HIBADH: variants seen among roughly 807,000 people sequenced by gnomAD.
HIBADH encodes 3-hydroxyisobutyrate dehydrogenase, mitochondrial.
A neutral mutation model predicts 36.1 loss-of-function variants in HIBADH; 25 were observed. The observed-to-expected ratio is 0.69, with a 90% confidence interval of 0.50 to 0.97. The LOEUF (loss-of-function observed/expected upper bound fraction) is 0.97, where lower values mean the gene tolerates loss of function less well. HIBADH is among the 50% of genes least tolerant of loss of function. The pLI is 0.00. For synonymous variants in HIBADH, 160 were observed against 149.5 expected (o/e 1.07, Z -0.51); for missense variants, 421 against 418.0 (o/e 1.01, Z -0.06).
chr7:27,540,589 C>A (rs1784134234), intron 5 of HIBADH, among the ~76,000 whole-genome samples: 1 of 152,196 alleles, frequency 6.6e-6, no homozygotes, highest in South Asian at 2.1e-4. Flanking sequence ...TCCACAATAA[C>A]AATGGCATCT....
chr7:27,574,911 G>T (rs1281038471), intron 4 of HIBADH, among the ~76,000 whole-genome samples: 1 of 152,092 alleles, frequency 6.6e-6, no homozygotes, highest in African/African-American at 2.4e-5. Flanking sequence ...ATTTAATAGA[G>T]AACTGTTTGT....
chr7:27,600,455 A>G (rs1785112195), intron 4 of HIBADH, among the ~76,000 whole-genome samples: 1 of 152,172 alleles, frequency 6.6e-6, no homozygotes, highest in Non-Finnish European at 1.5e-5. Context: ...CACAAAAATA[A>G]GAGTTGGCTA....
At chr7:27,604,538 C>G (rs940923304) in intron 4 of HIBADH, among the ~76,000 whole-genome samples, 2 of 151,928 alleles carry the variant, frequency 1.3e-5, no homozygotes, top group African/African-American at 2.4e-5. Flanking sequence ...TTCCAGAACA[C>G]AGGCATAATC....
chr7:27,630,856 T>C (rs1003898372), intron 3 of HIBADH, among the ~76,000 whole-genome samples: 5 of 152,206 alleles, frequency 3.3e-5, no homozygotes, highest in Non-Finnish European at 7.3e-5. Flanking sequence ...AATAGCATAC[T>C]CCAAGAGTAT....
chr7:27,654,706 T>TC (rs1786266012), intron 1 of HIBADH, among the ~76,000 whole-genome samples: 2 of 151,362 alleles, frequency 1.3e-5, no homozygotes, highest in African/African-American at 4.9e-5. Context: ...TGTTTTTTTT[T>TC]TGGACAGGGT....
At chr7:27,605,596 A>AT (rs1785209764) in intron 4 of HIBADH, among the ~76,000 whole-genome samples, 1 of 142,812 alleles carries the variant, frequency 7.0e-6, no homozygotes, top group South Asian at 2.1e-4. Context: ...CAAAAAAAAA[A>AT]AAAAAAAAAA....
intron 4 of HIBADH, among the ~76,000 whole-genome samples, chr7:27,597,761 C>T (rs1448115096): frequency 6.6e-6 from 1 of 152,058 alleles, no homozygotes; most frequent in Non-Finnish European, 1.5e-5. Context: ...GGAAAGAATA[C>T]CTATAAGATA....
In HIBADH at chr7:27,582,753, G is replaced by A. The variant is rs546411189; in HGVS notation, c.485-39653C>T. Among the ~76,000 whole-genome samples, 4 of 152,140 alleles carry A rather than the reference G, an allele frequency of 2.6e-5. No individual in the cohort carries two copies. The East Asian group carries it at 7.7e-4, about 29-fold the overall frequency. On this transcript the variant is annotated intron_variant, in intron 4 of 7. Coordinates refer to ENST00000265395, the MANE Select transcript of HIBADH (RefSeq NM_152740.4). The stretch of plus-strand genomic sequence containing the variant: ...GGCGAGCTGCTCTTTGTGTCCGTAT[G>A]GTGGTTTTTCATTTCTCTTTGGTTG...
intron 4 of HIBADH, among the ~76,000 whole-genome samples, chr7:27,577,807 A>G (rs987573345): frequency 6.6e-6 from 1 of 152,190 alleles, no homozygotes; most frequent in African/African-American, 2.4e-5. Context: ...AAAGAAACAA[A>G]TATACTTCCC....
chr7:27,592,945 G>A lies in HIBADH; in HGVS notation c.484+36426C>T, dbSNP rs563622852. Reference sequence around the variant, plus strand: ...TTCCCTGTTTAAAATGTGCCACCAGGTGCTCAGCATGCTCTTCCTCTGTGC... The same window carrying A: ...TTCCCTGTTTAAAATGTGCCACCAGATGCTCAGCATGCTCTTCCTCTGTGC... On this transcript the variant is annotated intron_variant, in intron 4 of 7. Coordinates refer to ENST00000265395, the MANE Select transcript of HIBADH (RefSeq NM_152740.4). 1.4e-4 allele frequency among the ~76,000 whole-genome samples: 22 copies of A among 152,160 alleles called. No homozygotes were observed. In the South Asian group the frequency reaches 4.6e-3, roughly 32 times the overall value.
At position 27,533,367 on chromosome 7, in the gene HIBADH, A is replaced by C. The variant is rs1364389667; in HGVS notation, c.696-2019T>G. 2.6e-5 allele frequency among the ~76,000 whole-genome samples: 4 copies of C among 152,166 alleles called. No homozygotes were observed. The East Asian group carries it at 7.7e-4, about 29-fold the overall frequency. On this transcript the variant is annotated intron_variant, in intron 6 of 7. Transcript: ENST00000265395. Reference sequence around the variant, plus strand: ...TTTAGAAGCATCCTGAGGGGCACACACAAAAAATCAGGTGGCAGTTGTTTC... The same window carrying C: ...TTTAGAAGCATCCTGAGGGGCACACCCAAAAAATCAGGTGGCAGTTGTTTC...
At position 27,653,607 on chromosome 7, in the gene HIBADH, G is replaced by C. The variant is rs1162674095; in HGVS notation, c.92-3974C>G. ...AAAAAATTAGCCGGGTGTAGTGGCAGGCGCCTGTAGTCCCAGCTACTCGGG... is the reference window on the plus strand; with the variant it reads ...AAAAAATTAGCCGGGTGTAGTGGCACGCGCCTGTAGTCCCAGCTACTCGGG... On this transcript the variant is annotated intron_variant, in intron 1 of 7. Coordinates refer to ENST00000265395, the MANE Select transcript of HIBADH (RefSeq NM_152740.4). 2.6e-5 allele frequency among the ~76,000 whole-genome samples: 4 copies of C among 152,034 alleles called. 1 individual carries two copies. Among genetic ancestry groups the C allele is most frequent in the African/African-American group, 9.7e-5 (4 of 41,380 alleles).
intron 4 of HIBADH, among the ~76,000 whole-genome samples, chr7:27,625,894 G>A (rs1172391022): frequency 1.3e-5 from 2 of 151,944 alleles, no homozygotes; most frequent in African/African-American, 2.4e-5. Flanking sequence ...CTAAGGTCAG[G>A]AGTTCAAGAC....
chr7:27,635,141 G>A (rs1442195521), intron 2 of HIBADH, among the ~76,000 whole-genome samples: 1 of 150,626 alleles, frequency 6.6e-6, no homozygotes, highest in Non-Finnish European at 1.5e-5. Flanking sequence ...TCTCTAATTT[G>A]TACTACAAAG....
chr7:27,573,011 G>A (rs1025268872), intron 4 of HIBADH, among the ~76,000 whole-genome samples: 1 of 152,152 alleles, frequency 6.6e-6, no homozygotes, highest in Non-Finnish European at 1.5e-5. Flanking sequence ...GGCCATGAAA[G>A]ATGATTAAGA....
In HIBADH at chr7:27,661,079, T is replaced by C. The variant is rs77200517; in HGVS notation, c.91+1619A>G. The stretch of plus-strand genomic sequence containing the variant: ...TGGAAAAGTGTCTATTCTTTTAGGG[T>C]TATCTCAAAAGTCGGAAGCATTTTT... On this transcript the variant is annotated intron_variant, in intron 1 of 7. Coordinates refer to ENST00000265395, the MANE Select transcript of HIBADH (RefSeq NM_152740.4). Among the ~76,000 whole-genome samples, 667 of 152,290 alleles carry C rather than the reference T, an allele frequency of 4.4e-3. 6 individuals carry two copies. Among genetic ancestry groups the C allele is most frequent in the African/African-American group, 0.016 (649 of 41,558 alleles).
At chr7:27,644,321 C>T (rs1429640178) in intron 2 of HIBADH, among the ~76,000 whole-genome samples, 4 of 151,802 alleles carry the variant, frequency 2.6e-5, no homozygotes, top group East Asian at 1.9e-4. Context: ...AAAAATTGGC[C>T]GGGCACGGTG....
intron 4 of HIBADH, among the ~76,000 whole-genome samples, chr7:27,556,145 A>G (rs1445770299): frequency 1.3e-5 from 2 of 152,216 alleles, no homozygotes; most frequent in African/African-American, 4.8e-5. Context: ...ACTTGTTAAT[A>G]ATATCTGCTT....
intron 4 of HIBADH, among the ~76,000 whole-genome samples, chr7:27,547,224 T>C (rs1370664066): frequency 6.6e-6 from 1 of 152,218 alleles, no homozygotes; most frequent in Non-Finnish European, 1.5e-5. Context: ...TTGAACTTGC[T>C]ATTCCTTTTG....
Sources: gnomAD v4.1 joint callset for allele counts (sites outside exome capture counted in the v4.1 genomes callset) on GRCh38, gnomAD v4.1.1 for gene constraint, MANE v1.5 for transcripts, NCBI Gene and HGNC (gene_info 2026-07-23, HGNC 2026-07-21) for gene names.